SPATA7: variants seen among roughly 807,000 people sequenced by gnomAD.
SPATA7 encodes the protein spermatogenesis associated 7.
In SPATA7, 43 loss-of-function variants were observed where a neutral mutation model predicts 51.8. That is an observed-to-expected ratio of 0.83 (90% confidence interval 0.65 to 1.07). SPATA7 has a LOEUF of 1.07. SPATA7 is among the 50% of genes least tolerant of loss of function. The pLI, the probability that SPATA7 is intolerant of heterozygous loss-of-function variation, is 0.00. For synonymous variants in SPATA7, 230 were observed against 252.8 expected (o/e 0.91, Z 0.86); for missense variants, 683 against 701.3 (o/e 0.97, Z 0.30).
At chr14:88,443,102 G>A (rs1033707489), downstream of SPATA7, among the ~76,000 whole-genome samples, 24 of 151,894 alleles carry the variant, frequency 1.6e-4, no homozygotes, top group African/African-American at 5.8e-4. Context: ...CTGCCACTGC[G>A]CCCAGCTAAT....
intron 1 of SPATA7, among the ~76,000 whole-genome samples, chr14:88,386,681 C>T (rs191434507): frequency 6.6e-6 from 1 of 152,082 alleles, no homozygotes; most frequent in East Asian, 1.9e-4. Flanking sequence ...ACTTTCTGAG[C>T]CAGTATCATT....
chr14:88,397,443 G>C (rs2075918029), intron 4 of SPATA7, among the ~76,000 whole-genome samples: 1 of 152,088 alleles, frequency 6.6e-6, no homozygotes, highest in South Asian at 2.1e-4. Flanking sequence ...AGGCATTTAA[G>C]AGTAGCCTAG....
At chr14:88,425,688 A>G (rs968922611) in intron 5 of SPATA7, among the ~76,000 whole-genome samples, 1 of 152,252 alleles carries the variant, frequency 6.6e-6, no homozygotes, top group South Asian at 2.1e-4. Flanking sequence ...TGAGAAATAT[A>G]TATGAAATTA....
chr14:88,434,088 T>G (rs988676857), intron 10 of SPATA7, among the ~76,000 whole-genome samples: 20 of 152,126 alleles, frequency 1.3e-4, no homozygotes, highest in Admixed American at 1.2e-3. Flanking sequence ...ATCGTGCACT[T>G]AAAAATGGTT....
Position 88,438,027 on chromosome 14 carries a change from A to G in SPATA7, c.1405A>G (p.Lys469Glu). The change falls in exon 12 of 12, where the codon AAG becomes GAG. Residue 469 changes from lysine to glutamate, a missense_variant. Transcript: ENST00000393545. ...TIQQERQQYQ[K>E]ALDMLLSAPK... The stretch of plus-strand genomic sequence containing the variant: ...TCAGCAGGAACGTCAACAATACCAA[A>G]AGGCTTTGGATATGTTATTGTCGGC... The G allele has an allele frequency of 6.2e-7, 1 of 1,614,088 alleles. No individual in the cohort carries two copies. Among genetic ancestry groups the G allele is most frequent in the Non-Finnish European group, 8.5e-7 (1 of 1,180,002 alleles).
rs185787595 is a variant in SPATA7, at chr14:88,461,657, C to T, written c.255-8190C>T. Among the ~76,000 whole-genome samples the T allele has an allele frequency of 5.7e-3, 869 of 152,200 alleles. 7 individuals carry two copies. Among genetic ancestry groups the T allele is most frequent in the African/African-American group, 0.02 (823 of 41,542 alleles). ...GAATTCCCTGACCCCTTGCACTTCC[C>T]GGCTGAGGCGATGCCTCACCCTGCT... On this transcript the variant is annotated intron_variant, in intron 4 of 4. Transcript: ENST00000556406.
At chr14:88,446,695 G>A (rs1357142563) in intron 3 of SPATA7, among the ~76,000 whole-genome samples, 8 of 152,070 alleles carry the variant, frequency 5.3e-5, no homozygotes, top group Admixed American at 1.3e-4. Flanking sequence ...CTTTGTTCTC[G>A]TTGGTTTCAA....
At chr14:88,413,779 T>TA (rs1183647269) in intron 4 of SPATA7, among the ~76,000 whole-genome samples, 1 of 151,916 alleles carries the variant, frequency 6.6e-6, no homozygotes, top group Non-Finnish European at 1.5e-5. Flanking sequence ...TAGATTTTAT[T>TA]GAAGGTTTTT....
downstream of SPATA7, among the ~76,000 whole-genome samples, chr14:88,440,848 G>A (rs530147464): frequency 5.9e-5 from 9 of 151,872 alleles, no homozygotes; most frequent in Non-Finnish European, 1.2e-4. Flanking sequence ...TATTTCAGTA[G>A]GATTTTGGGA....
intron 5 of SPATA7, among the ~76,000 whole-genome samples, chr14:88,423,122 C>T (rs1485172464): frequency 6.6e-6 from 1 of 152,136 alleles, no homozygotes; most frequent in African/African-American, 2.4e-5. Flanking sequence ...CACCCTGTAA[C>T]TCTTGAGTCA....
chr14:88,448,344 T>C (rs2077228357), intron 3 of SPATA7, among the ~76,000 whole-genome samples: 1 of 152,204 alleles, frequency 6.6e-6, no homozygotes, highest in South Asian at 2.1e-4. Context: ...ATCAGCTCCT[T>C]TAAGTACTTC....
At chr14:88,405,072 C>G (rs1375850947) in intron 4 of SPATA7, among the ~76,000 whole-genome samples, 1 of 152,078 alleles carries the variant, frequency 6.6e-6, no homozygotes, top group Non-Finnish European at 1.5e-5. Flanking sequence ...GAGCAGAGAC[C>G]TGAAAGAATT....
intron 1 of SPATA7, among the ~76,000 whole-genome samples, chr14:88,388,592 TA>T (rs1270790685): frequency 6.6e-6 from 1 of 151,848 alleles, no homozygotes; most frequent in Non-Finnish European, 1.5e-5. Flanking sequence ...CATAAAAGAG[TA>T]ACTATAAGAT....
At chr14:88,426,728 G>A (rs201988011) in intron 6 of SPATA7, 24 bp downstream of exon 6, 14 of 1,571,358 alleles carry the variant, frequency 8.9e-6, no homozygotes, top group Middle Eastern at 1.7e-4. Context: ...GCAACCAACA[G>A]TAAATCCTTC....
At chr14:88,438,509 G>T, downstream of SPATA7, 1 of 1,071,992 alleles carries the variant, frequency 9.3e-7, no homozygotes, top group South Asian at 1.3e-5. Context: ...TTTCTCTATT[G>T]GTTTTCTGTG....
intron 4 of SPATA7, among the ~76,000 whole-genome samples, chr14:88,396,902 ACT>A (rs1447513114): frequency 1.5e-5 from 2 of 134,560 alleles, no homozygotes; most frequent in African/African-American, 5.4e-5. Context: ...ACAGGGTCTC[ACT>A]CTATTGCCCT....
chr14:88,453,825 A>C (rs1365306097), intron 3 of SPATA7, among the ~76,000 whole-genome samples: 1 of 152,210 alleles, frequency 6.6e-6, no homozygotes, highest in Admixed American at 6.5e-5. Context: ...TGGAACCAGT[A>C]AGGAATATCA....
intron 7 of SPATA7, 24 bp downstream of exon 7, chr14:88,427,720 T>A: frequency 1.3e-6 from 2 of 1,497,146 alleles, no homozygotes; most frequent in Non-Finnish European, 1.9e-6. Context: ...AATCTTTTGG[T>A]ATTGCTACAT....
At position 88,411,281 on chromosome 14, in the gene SPATA7, C is replaced by T. The variant is rs556063488; in HGVS notation, c.239-5430C>T. Among the ~76,000 whole-genome samples the T allele has an allele frequency of 5.3e-5, 8 of 152,320 alleles. No homozygotes were observed. The East Asian group carries it at 5.8e-4, about 11-fold the overall frequency. On this transcript the variant is annotated intron_variant, in intron 4 of 11. Transcript: ENST00000393545. ...TGCTGTGCTGGCAGGGAGAATTTCA[C>T]GCCAGTGGATCTTAGCTAGCTGGGT...
Sources: gnomAD v4.1 joint callset for allele counts (sites outside exome capture counted in the v4.1 genomes callset) on GRCh38, gnomAD v4.1.1 for gene constraint, MANE v1.5 for transcripts, NCBI Gene and HGNC (gene_info 2026-07-23, HGNC 2026-07-21) for gene names.